The following CLTC variants were observed in gnomAD, a reference collection of about 807,000 sequenced individuals.
CLTC encodes the protein clathrin heavy chain 1.
CLTC carries 16 observed loss-of-function variants against 195.8 expected under a neutral mutation model. The observed-to-expected ratio is 0.08, with a 90% confidence interval of 0.06 to 0.12. The LOEUF (loss-of-function observed/expected upper bound fraction) is 0.12. Among genes scored for constraint, CLTC ranks in the 10% least tolerant of loss-of-function variants. The pLI, the probability that CLTC is intolerant of heterozygous loss-of-function variation, is 1.00. For missense variants in CLTC, 796 were observed against 2,027.0 expected, an observed-to-expected ratio of 0.39 and a Z score of 11.66; for synonymous variants, 667 against 689.4, an observed-to-expected ratio of 0.97 and a Z score of 0.51.
rs202243529 is a variant in CLTC, at chr17:59,661,673, C to T, written c.1368+30C>T. On this transcript the variant is annotated intron_variant, in intron 8 of 31. Coordinates refer to ENST00000269122, the MANE Select transcript of CLTC (RefSeq NM_004859.4). ...GTTAAATTATGTTGACATAATCTTG[C>T]TTTGGTTGCATTAAATATGATATTG... 141 of 1,594,274 alleles carry T rather than the reference C, an allele frequency of 8.8e-5. No individual in the cohort carries two copies. The African/African-American group carries it at 1.8e-3, about 20-fold the overall frequency.
At chr17:59,622,491 C>T (rs530014187) in intron 1 of CLTC, among the ~76,000 whole-genome samples, 6 of 152,282 alleles carry the variant, frequency 3.9e-5, no homozygotes, top group East Asian at 1.9e-4. Context: ...CATCCTCCCA[C>T]CTCAGCATCC....
chr17:59,669,196 AT>A (rs2032793013), intron 14 of CLTC, among the ~76,000 whole-genome samples: 1 of 152,140 alleles, frequency 6.6e-6, no homozygotes, highest in Non-Finnish European at 1.5e-5. Flanking sequence ...AATTTCCTTT[AT>A]TTTAATTTTG....
rs1326235928 is a variant in CLTC at position 59,654,733 on chromosome 17, G to A, written c.796-1121G>A. On this transcript the variant is annotated intron_variant, in intron 5 of 31. Transcript: ENST00000269122. ...TGAGCTCAGGCAATCCACCCACCTC[G>A]GCCTCCTAAAGTGCTAGGATTACAG... 6.6e-5 allele frequency among the ~76,000 whole-genome samples: 10 copies of A among 151,860 alleles called. No homozygotes were observed. The East Asian group carries it at 1.7e-3, about 26-fold the overall frequency.
intron 28 of CLTC, chr17:59,684,335 T>C (rs2033135092): frequency 5.0e-6 from 1 of 200,394 alleles, no homozygotes; most frequent in Non-Finnish European, 1.0e-5. Flanking sequence ...CCTACTGTTT[T>C]ATTAGTGTTT....
At chr17:59,650,613 G>T (rs973534649) in intron 4 of CLTC, among the ~76,000 whole-genome samples, 3 of 150,326 alleles carry the variant, frequency 2.0e-5, no homozygotes, top group Admixed American at 1.3e-4. Flanking sequence ...TCAGCCTCCC[G>T]AGTATCAGCT....
In CLTC at chr17:59,667,714, G is replaced by A. The variant is rs1263936518; in HGVS notation, c.2128+737G>A. 5.3e-5 allele frequency among the ~76,000 whole-genome samples: 8 copies of A among 152,276 alleles called. No homozygotes were observed. In the East Asian group the frequency reaches 5.8e-4, roughly 11 times the overall value. On this transcript the variant is annotated intron_variant, in intron 13 of 31. Coordinates refer to ENST00000269122, the MANE Select transcript of CLTC (RefSeq NM_004859.4). ...TTTCTACCCACTAGATTCCAGTAGC[G>A]TCAGCTCCACCAGTTGTGACAACCA...
rs941119185 is a variant in CLTC, at chr17:59,685,082, T to C, written c.4461T>C (p.Tyr1487=). 3 of 1,597,610 alleles carry C rather than the reference T, an allele frequency of 1.9e-6. No homozygotes were observed. Among genetic ancestry groups the C allele is most frequent in the Non-Finnish European group, 2.6e-6 (3 of 1,169,218 alleles). The change falls in exon 29 of 32, where the codon TAT becomes TAC. Residue 1487 remains tyrosine (Y), a synonymous_variant. Transcript: ENST00000269122. This position sits in a 1 kb window ranked among gnomAD's most constrained non-coding sequence, Gnocchi z 5.0. ...YQALRTSIDA[Y]DNFDNISLAQ... is the part of the protein sequence containing the mutation. ...CTCTGCGAACATCAATAGATGCTTA[T>C]GACAACTTTGACAATATCTCGCTTG... is the stretch of plus-strand genomic sequence containing the variant.
rs569066841 is a variant in CLTC, at chr17:59,621,630, G to A, written c.42+1457G>A. ...AATAATAAATTTTTACCCATAAAAT[G>A]AGTTAAATAATGCACTTTCCTCAGT... On this transcript the variant is annotated intron_variant, in intron 1 of 31. Coordinates refer to ENST00000269122, the MANE Select transcript of CLTC (RefSeq NM_004859.4). 2.6e-5 allele frequency among the ~76,000 whole-genome samples: 4 copies of A among 152,294 alleles called. No homozygotes were observed. In the East Asian group the frequency reaches 7.7e-4, roughly 29 times the overall value.
intron 14 of CLTC, among the ~76,000 whole-genome samples, chr17:59,671,356 T>C (rs1455067547): frequency 6.6e-6 from 1 of 152,162 alleles, no homozygotes; most frequent in East Asian, 1.9e-4. Flanking sequence ...ATGCCTCTTA[T>C]CACTGTTATT....
At chr17:59,651,177 A>G (rs953531543) in intron 4 of CLTC, 26 bp from the exon 5 acceptor site, 3 of 1,429,450 alleles carry the variant, frequency 2.1e-6, no homozygotes, top group Non-Finnish European at 9.8e-7. Flanking sequence ...ATAGGTTTAT[A>G]TACATTTTGA....
rs985870776 is a variant in CLTC, at chr17:59,696,051, C to CTGT, written c.*2202_*2204dup. On this transcript the variant is annotated 3_prime_UTR_variant, in exon 32 of 32. Coordinates refer to ENST00000269122, the MANE Select transcript of CLTC (RefSeq NM_004859.4). ...AGTTACTTAGCCACCCCATGCCATC[C>CTGT]TGTTGGGAATGCCACTACCTTTGAA... 9.5e-6 allele frequency: 2 copies of CTGT among 210,246 alleles called. No homozygotes were observed. The highest frequency in any genetic ancestry group is 4.5e-5 in the African/African-American group (2 of 44,052). The allele number at this position is 210,246 out of a possible 1,614,324, so 13.0% of individuals were successfully genotyped here.
At chr17:59,692,918 G>A (rs1183833480) in intron 31 of CLTC, among the ~76,000 whole-genome samples, 2 of 152,094 alleles carry the variant, frequency 1.3e-5, no homozygotes, top group Admixed American at 6.5e-5. Flanking sequence ...GATTACAGGC[G>A]TGAGCCACCG....
At chr17:59,680,832 GT>G (rs1241836019) in intron 18 of CLTC, 79 bp from the exon 19 acceptor site, 2 of 1,200,172 alleles carry the variant, frequency 1.7e-6, no homozygotes, top group African/African-American at 3.1e-5. Context: ...CCTATTTCAA[GT>G]TTTCTAATGA....
chr17:59,680,317 T>C (rs1567968378), intron 18 of CLTC, among the ~76,000 whole-genome samples: 1 of 152,162 alleles, frequency 6.6e-6, no homozygotes, highest in Non-Finnish European at 1.5e-5. Flanking sequence ...AGATGGGGTT[T>C]TATACCTAAA....
intron 14 of CLTC, among the ~76,000 whole-genome samples, chr17:59,671,697 T>G (rs1169100535): frequency 6.6e-6 from 1 of 152,188 alleles, no homozygotes; most frequent in African/African-American, 2.4e-5. Context: ...TTTTCTTTCT[T>G]TCCTGGTTTA....
At chr17:59,690,605 G>T in intron 30 of CLTC, 31 bp from the exon 31 acceptor site, 1 of 1,505,734 alleles carries the variant, frequency 6.6e-7, no homozygotes, top group Non-Finnish European at 9.2e-7. Flanking sequence ...TACTTTTGGG[G>T]TGCTAATTAA....
At chr17:59,674,607 C>G (rs1279403379) in intron 15 of CLTC, 94 bp from the exon 16 acceptor site, 1 of 1,147,872 alleles carries the variant, frequency 8.7e-7, no homozygotes, top group Non-Finnish European at 1.2e-6. Context: ...GAAAAAAAAA[C>G]TGAGCTTAAA....
At chr17:59,645,976 GTTATC>G (rs901976864) in intron 2 of CLTC, 126 of 761,188 alleles carry the variant, frequency 1.7e-4, no homozygotes, top group Non-Finnish European at 1.8e-4. Context: ...TAATGTTATT[GTTATC>G]TTATCACATT....
chr17:59,638,886 C>T (rs764205952), intron 1 of CLTC, among the ~76,000 whole-genome samples: 22 of 152,234 alleles, frequency 1.4e-4, no homozygotes, highest in African/African-American at 4.8e-4. Context: ...CAGAATCCTA[C>T]CTTTTACTCC....
Sources: allele counts gnomAD v4.1 joint callset (sites outside exome capture counted in the v4.1 genomes callset), GRCh38; gene constraint gnomAD v4.1.1; non-coding constraint Gnocchi (gnomAD v3.1); transcripts MANE v1.5; gene names NCBI Gene and HGNC (gene_info 2026-07-23, HGNC 2026-07-21).